Variants in FGGY observed in about 807,000 individuals in gnomAD.
The protein encoded by FGGY is FGGY carbohydrate kinase domain-containing protein.
In FGGY, 72 loss-of-function variants were observed where a neutral mutation model predicts 71.3. The observed-to-expected ratio is 1.01, with a 90% CI of 0.84 to 1.23. FGGY has a LOEUF of 1.23. Ranked by LOEUF, FGGY falls within the 50% of genes most tolerant of loss-of-function variation. FGGY has a pLI of 0.00. For synonymous variants in FGGY, 251 were observed against 250.3 expected (o/e 1.00, Z -0.02); for missense variants, 668 against 682.3 (o/e 0.98, Z 0.23).
chr1:59,360,227 T>C (rs77265804), intron 4 of FGGY, among the ~76,000 whole-genome samples: 3,699 of 152,032 alleles, frequency 0.024, 170 homozygotes, highest in African/African-American at 0.085. Context: ...TGGGAACAAC[T>C]GGTGCGTGTA....
At chr1:59,556,044 A>G (rs2095680324) in intron 8 of FGGY, among the ~76,000 whole-genome samples, 1 of 152,220 alleles carries the variant, frequency 6.6e-6, no homozygotes, top group Non-Finnish European at 1.5e-5. Flanking sequence ...TCTGCTCAGC[A>G]GCCCTTTTGT....
chr1:59,442,622 A>C lies in FGGY; in HGVS notation c.555-14339A>C, dbSNP rs567835185. ...AATCTGACTCTTTCTGCTTTGTGTC[A>C]AAGGGATACTGTTCATGTTAAAATT... On this transcript the variant is annotated intron_variant, in intron 5 of 15. Coordinates refer to ENST00000303721, the MANE Select transcript of FGGY (RefSeq NM_018291.5). Among the ~76,000 whole-genome samples the C allele has an allele frequency of 2.0e-5, 3 of 152,192 alleles. No individual in the cohort carries two copies. The South Asian group carries it at 6.2e-4, about 32-fold the overall frequency.
At chr1:59,760,554 TTAG>T (rs1037089719) in intron 15 of FGGY, among the ~76,000 whole-genome samples, 1 of 152,216 alleles carries the variant, frequency 6.6e-6, no homozygotes, top group African/African-American at 2.4e-5. Flanking sequence ...TAAGTGTTCA[TTAG>T]TAGATGAACA....
At chr1:59,385,862 G>A (rs1286918424) in intron 5 of FGGY, among the ~76,000 whole-genome samples, 2 of 152,066 alleles carry the variant, frequency 1.3e-5, no homozygotes, top group Admixed American at 6.6e-5. Flanking sequence ...TTAACTGAGT[G>A]AACAGATAAA....
intron 7 of FGGY, among the ~76,000 whole-genome samples, chr1:59,526,299 G>C (rs948366337): frequency 6.6e-6 from 1 of 152,190 alleles, no homozygotes; most frequent in Non-Finnish European, 1.5e-5. Flanking sequence ...CTAGAATGGG[G>C]ACATTTGAGG....
chr1:59,490,481 GTTGA>G (rs2093795855), intron 6 of FGGY, among the ~76,000 whole-genome samples: 1 of 152,148 alleles, frequency 6.6e-6, no homozygotes, highest in Admixed American at 6.5e-5. Flanking sequence ...TTTTCACTGT[GTTGA>G]TTGTTTCCTT....
intron 14 of FGGY, among the ~76,000 whole-genome samples, chr1:59,674,696 T>C (rs1318218559): frequency 6.6e-6 from 1 of 152,228 alleles, no homozygotes; most frequent in Non-Finnish European, 1.5e-5. Flanking sequence ...GAACACATGA[T>C]AAATTGCATA....
At chr1:59,374,641 C>G (rs1233967338) in intron 4 of FGGY, among the ~76,000 whole-genome samples, 2 of 152,028 alleles carry the variant, frequency 1.3e-5, no homozygotes, top group African/African-American at 4.8e-5. Flanking sequence ...ATAGGAAAGA[C>G]TTGGAACCAA....
intron 1 of FGGY, among the ~76,000 whole-genome samples, chr1:59,306,055 T>C (rs1416567078): frequency 6.6e-6 from 1 of 152,202 alleles, no homozygotes; most frequent in Non-Finnish European, 1.5e-5. Context: ...ATTGAAGGAC[T>C]TATCTCATTT....
intron 6 of FGGY, among the ~76,000 whole-genome samples, chr1:59,472,421 G>A (rs1301649292): frequency 6.6e-6 from 1 of 152,224 alleles, no homozygotes; most frequent in Non-Finnish European, 1.5e-5. Context: ...GCCGCCCCCT[G>A]CTCCACGGAG....
chr1:59,746,194 G>A (rs564899216), intron 14 of FGGY, among the ~76,000 whole-genome samples: 101 of 152,224 alleles, frequency 6.6e-4, no homozygotes, highest in Admixed American at 1.8e-3. Context: ...GAGATGCAGG[G>A]GAGACATGTG....
intron 10 of FGGY, among the ~76,000 whole-genome samples, chr1:59,633,256 C>T (rs1295013730): frequency 6.6e-6 from 1 of 152,054 alleles, no homozygotes; most frequent in Non-Finnish European, 1.5e-5. Context: ...GTGGTCTGCC[C>T]GCCTCGGCCT....
intron 6 of FGGY, among the ~76,000 whole-genome samples, chr1:59,487,647 T>C (rs1002097728): frequency 2.6e-5 from 4 of 152,204 alleles, no homozygotes; most frequent in African/African-American, 9.6e-5. Flanking sequence ...AAAACCTGCC[T>C]GGGCTGGTGC....
intron 8 of FGGY, among the ~76,000 whole-genome samples, chr1:59,602,006 AG>A (rs2153810411): frequency 6.6e-6 from 1 of 152,340 alleles, no homozygotes; most frequent in South Asian, 2.1e-4. Context: ...CATGAAGCCC[AG>A]GCCATGTGAG....
intron 14 of FGGY, among the ~76,000 whole-genome samples, chr1:59,746,557 G>A (rs1161656310): frequency 6.6e-6 from 1 of 152,080 alleles, no homozygotes; most frequent in Non-Finnish European, 1.5e-5. Flanking sequence ...GCACAATCGA[G>A]GTTCACTTCA....
Position 59,626,135 on chromosome 1 carries a change from A to C in FGGY, c.1073+86A>C. ...CGTTGGGCAGTTGGGTGATTTTCAG[A>C]TCCTACAGACAATGAAAATGCCTGT... On this transcript the variant is annotated intron_variant, in intron 10 of 15. Transcript: ENST00000303721. 3 of 1,088,474 alleles carry C rather than the reference A, an allele frequency of 2.8e-6. No homozygotes were observed. The South Asian group carries it at 4.0e-5, about 15-fold the overall frequency. 67.4% of individuals were successfully genotyped at this position (1,088,474 alleles called of 1,614,324 possible).
At chr1:59,439,104 A>G (rs1309958585) in intron 5 of FGGY, among the ~76,000 whole-genome samples, 1 of 151,950 alleles carries the variant, frequency 6.6e-6, no homozygotes, top group Non-Finnish European at 1.5e-5. Flanking sequence ...TAATTCTTTA[A>G]TGTTACTTAT....
At chr1:59,728,552 T>A (rs1366756291) in intron 14 of FGGY, among the ~76,000 whole-genome samples, 1 of 152,032 alleles carries the variant, frequency 6.6e-6, no homozygotes, top group Admixed American at 6.5e-5. Context: ...TCTGAATAAC[T>A]TTTTTTCAAC....
At chr1:59,325,232 C>T (rs985049897) in intron 2 of FGGY, among the ~76,000 whole-genome samples, 23 of 152,116 alleles carry the variant, frequency 1.5e-4, no homozygotes, top group African/African-American at 4.1e-4. Flanking sequence ...TGGCGGGCGC[C>T]TGTAGTCCCA....
Sources: gnomAD v4.1 joint callset for allele counts (sites outside exome capture counted in the v4.1 genomes callset) on GRCh38, gnomAD v4.1.1 for gene constraint, MANE v1.5 for transcripts, NCBI Gene and HGNC (gene_info 2026-07-23, HGNC 2026-07-21) for gene names.